The following PTGIS variants were observed in gnomAD, a reference collection of about 807,000 sequenced individuals.
The protein encoded by PTGIS is prostaglandin I2 synthase, also known as prostacyclin synthase.
A neutral mutation model predicts 50.3 loss-of-function variants in PTGIS; 45 were observed. The observed-to-expected ratio is 0.90, with a 90% CI of 0.70 to 1.15. The LOEUF is 1.15. PTGIS is among the 50% of genes most tolerant of loss of function. The pLI is 0.00. For missense variants in PTGIS, 668 were observed against 661.3 expected (o/e 1.01, Z -0.11); for synonymous variants, 260 against 267.7 (o/e 0.97, Z 0.28).
At chr20:49,514,819 G>C (rs113044142) in intron 6 of PTGIS, among the ~76,000 whole-genome samples, 3 of 152,212 alleles carry the variant, frequency 2.0e-5, no homozygotes, top group African/African-American at 4.8e-5. Context: ...TCAAGAGCCA[G>C]AGCGTATTTC....
chr20:49,528,920 G>A (rs1310273940), intron 5 of PTGIS, among the ~76,000 whole-genome samples: 1 of 152,170 alleles, frequency 6.6e-6, no homozygotes, highest in Non-Finnish European at 1.5e-5. Context: ...GGGAATTGGT[G>A]GAAGGGGATG....
Position 49,511,131 on chromosome 20 carries a change from CT to C in PTGIS, c.1254del (p.Asp419ThrfsTer9), listed in dbSNP as rs753137849. On this transcript the variant is annotated frameshift_variant, in exon 9 of 10. Transcript: ENST00000244043. LOFTEE classifies it high-confidence loss of function. ...AGCCGTTTCCCATCCTTGTAAAAGTCTTTCTTCTCTGATCCGTCAGGGTTCA... is the reference window on the plus strand; with the variant it reads ...AGCCGTTTCCCATCCTTGTAAAAGTCTTCTTCTCTGATCCGTCAGGGTTCA... ...RFLNPDGSEK[K>X]DFYKDGKRLK... 1 of 1,614,212 alleles carries C rather than the reference CT, an allele frequency of 6.2e-7. No homozygotes were observed. The highest frequency in any genetic ancestry group is 8.5e-7 in the Non-Finnish European group (1 of 1,180,038).
At chr20:49,515,579 A>T (rs1981454160) in intron 6 of PTGIS, among the ~76,000 whole-genome samples, 2 of 152,240 alleles carry the variant, frequency 1.3e-5, no homozygotes, top group Admixed American at 1.3e-4. Flanking sequence ...TTCATTACAG[A>T]CATAATTACA....
Position 49,507,170 on chromosome 20 carries a change from TCTGGGCTGTGTCTTC to T in PTGIS, c.*735_*749del, listed in dbSNP as rs1981176519. ...TGGCTGGCTCCTTCCAGCCATCTTG[TCTGGGCTGTGTCTTC>T]CTTAGCTCCCTACCTGAGTGCTGAC... is the stretch of plus-strand genomic sequence containing the variant. On this transcript the variant is annotated 3_prime_UTR_variant, in exon 10 of 10. Transcript: ENST00000244043. The T allele has an allele frequency of 6.4e-6, 1 of 155,784 alleles. No individual in the cohort carries two copies. Among genetic ancestry groups the T allele is most frequent in the Non-Finnish European group, 1.4e-5 (1 of 70,426 alleles). The allele number at this position is 155,784 out of a possible 1,614,324, so 9.7% of individuals were successfully genotyped here. A position where few individuals can be genotyped will look rare whatever the true frequency, so the allele number is the denominator to read the frequency against.
chr20:49,504,123 G>A lies in PTGIS; in HGVS notation c.*3797C>T, dbSNP rs1012198880. Reference sequence around the variant, plus strand: ...CTCCCTGTGAGTGGGGGCCACTGGTGGGAGGAGATGGCCCTGGTCGCCCAT... The same window carrying A: ...CTCCCTGTGAGTGGGGGCCACTGGTAGGAGGAGATGGCCCTGGTCGCCCAT... On this transcript the variant is annotated 3_prime_UTR_variant, in exon 10 of 10. Transcript: ENST00000244043. 1.3e-5 allele frequency: 2 copies of A among 152,230 alleles called. No individual in the cohort carries two copies. The highest frequency in any genetic ancestry group is 4.8e-5 in the African/African-American group (2 of 41,466). 9.4% of individuals were successfully genotyped at this position (152,230 alleles called of 1,614,324 possible).
chr20:49,539,681 G>A lies in PTGIS; in HGVS notation c.562C>T (p.Arg188Cys), dbSNP rs145481145. 2.3e-5 allele frequency: 37 copies of A among 1,613,642 alleles called. No homozygotes were observed. The highest frequency in any genetic ancestry group is 2.0e-4 in the African/African-American group (15 of 75,054). ...LTLYGIEALP[R>C]THESQAQDRV... ...TCCTGGGCCTGGCTTTCATGGGTGC[G>A]TGGCAGCGCCTCAATTCCGTAAAGA... The change falls in exon 5 of 10, where the codon CGC becomes TGC. Residue 188 changes from arginine to cysteine, a missense_variant. Arg to Cys is a radical substitution (Grantham distance 180). Transcript: ENST00000244043.
intron 3 of PTGIS, among the ~76,000 whole-genome samples, chr20:49,547,059 C>T (rs971417630): frequency 6.6e-5 from 10 of 152,132 alleles, no homozygotes; most frequent in Admixed American, 2.6e-4. Context: ...TGATGAAATC[C>T]TGTCTCTACT....
rs554114069 is a variant in PTGIS, at chr20:49,518,651, G to A, written c.856-4256C>T. Among the ~76,000 whole-genome samples, 7 of 133,018 alleles carry A rather than the reference G, an allele frequency of 5.3e-5. No individual in the cohort carries two copies. In the East Asian group the frequency reaches 9.9e-4, roughly 19 times the overall value. 87.3% of individuals were successfully genotyped at this position (133,018 alleles called of 152,430 possible). On this transcript the variant is annotated intron_variant, in intron 6 of 9. Coordinates refer to ENST00000244043, the MANE Select transcript of PTGIS (RefSeq NM_000961.4). Reference sequence around the variant, plus strand: ...AAAATTATTTCAAGATAAAACTACTGAAGACAAAAAAAAAAACAAACAAAA... The same window carrying A: ...AAAATTATTTCAAGATAAAACTACTAAAGACAAAAAAAAAAACAAACAAAA...
At chr20:49,560,929 G>A (rs1169552256) in intron 1 of PTGIS, among the ~76,000 whole-genome samples, 1 of 152,158 alleles carries the variant, frequency 6.6e-6, no homozygotes, top group African/African-American at 2.4e-5. Context: ...AGTAAGTGAT[G>A]TGACCACACC....
intron 1 of PTGIS, among the ~76,000 whole-genome samples, chr20:49,553,149 A>G (rs1982552348): frequency 6.6e-6 from 1 of 152,142 alleles, no homozygotes; most frequent in African/African-American, 2.4e-5. Context: ...ATTGTTTTAT[A>G]TGTATTAGTC....
intron 8 of PTGIS, 119 bp downstream of exon 8, chr20:49,512,961 G>A: frequency 8.0e-7 from 1 of 1,244,560 alleles, no homozygotes; most frequent in Non-Finnish European, 1.1e-6. Flanking sequence ...GAAGCAATCT[G>A]GGCAATGTCA....
intron 9 of PTGIS, among the ~76,000 whole-genome samples, chr20:49,510,124 A>G (rs1271850809): frequency 6.6e-6 from 1 of 151,558 alleles, no homozygotes; most frequent in African/African-American, 2.4e-5. Context: ...CCTGGCCTCA[A>G]ATGATCTGCC....
At chr20:49,529,928 G>A (rs1257355037) in intron 5 of PTGIS, among the ~76,000 whole-genome samples, 1 of 152,136 alleles carries the variant, frequency 6.6e-6, no homozygotes, top group African/African-American at 2.4e-5. Context: ...GCCGACGTGG[G>A]CGGATCACCT....
chr20:49,508,094 G>A (rs1363890907), intron 9 of PTGIS, 30 bp from the exon 10 acceptor site: 3 of 1,612,638 alleles, frequency 1.9e-6, no homozygotes, highest in Non-Finnish European at 1.7e-6. Flanking sequence ...AAGGTGTGAA[G>A]GAGAGGAGTA....
Position 49,513,253 on chromosome 20 carries a change from G to T in PTGIS, c.1033C>A (p.Leu345Met). ...LDSTPVLDSVLSESLRLTAAP... is the reference protein window; with the variant it reads ...LDSTPVLDSVMSESLRLTAAP... ...GCTGTAAGCCTGAGGCTCTCACTCA[G>T]CACGCTATCTGCATGGGGCAGGTGC... The change falls in exon 8 of 10, where the codon CTG (leucine) becomes ATG (methionine). Residue 345 changes from leucine to methionine, a missense_variant. Transcript: ENST00000244043. 1 of 1,613,538 alleles carries T rather than the reference G, an allele frequency of 6.2e-7. No homozygotes were observed.
intron 1 of PTGIS, among the ~76,000 whole-genome samples, chr20:49,557,506 C>T (rs977235354): frequency 3.1e-4 from 47 of 150,446 alleles, no homozygotes; most frequent in Admixed American, 1.5e-3. Flanking sequence ...ACAGGAAGAT[C>T]GCTTGAGTCT....
intron 4 of PTGIS, 111 bp from the exon 5 acceptor site, chr20:49,539,832 G>C: frequency 1.4e-6 from 2 of 1,406,914 alleles, no homozygotes; most frequent in Non-Finnish European, 1.9e-6. Context: ...TAATCCTACT[G>C]TGCGCCAAAG....
intron 6 of PTGIS, among the ~76,000 whole-genome samples, chr20:49,519,404 C>T (rs1981585666): frequency 6.6e-6 from 1 of 152,172 alleles, no homozygotes; most frequent in Admixed American, 6.5e-5. Flanking sequence ...TCATCTCCGA[C>T]CTGACAGCAG....
rs149754382 is a variant in PTGIS, at chr20:49,536,683, A to G, written c.673+2887T>C. Among the ~76,000 whole-genome samples the G allele has an allele frequency of 7.8e-3, 1,184 of 151,882 alleles. 12 individuals carry two copies. The highest frequency in any genetic ancestry group is 0.027 in the African/African-American group (1,128 of 41,404). ...TTTTTAGTAGAGACAGGGTTCCGCC[A>G]TGTTGTCCAGGCTGGTCTTGAACTC... On this transcript the variant is annotated intron_variant, in intron 5 of 9. Coordinates refer to ENST00000244043, the MANE Select transcript of PTGIS (RefSeq NM_000961.4).
Sources: allele counts gnomAD v4.1 joint callset (sites outside exome capture counted in the v4.1 genomes callset), GRCh38; gene constraint gnomAD v4.1.1; transcripts MANE v1.5; gene names NCBI Gene and HGNC (gene_info 2026-07-23, HGNC 2026-07-21).